AOC3: variants seen among roughly 807,000 people sequenced by gnomAD.
AOC3 encodes amine oxidase [copper-containing] 3.
In AOC3, 47 loss-of-function variants were observed where a neutral mutation model predicts 55.4. That is an observed-to-expected ratio of 0.85 (90% CI 0.67 to 1.08). The LOEUF is 1.08. Among genes scored for constraint, AOC3 ranks in the 50% least tolerant of loss-of-function variants. AOC3 has a pLI of 0.00. For missense variants in AOC3, 853 were observed against 993.1 expected (o/e 0.86, Z 1.90); for synonymous variants, 386 against 410.7 (o/e 0.94, Z 0.73).
At position 42,851,244 on chromosome 17, in the gene AOC3, G is replaced by GC. The variant is rs1329144110; in HGVS notation, c.-94dup. 2.2e-6 allele frequency: 3 copies of GC among 1,366,582 alleles called. No individual in the cohort carries two copies. Among genetic ancestry groups the GC allele is most frequent in the African/African-American group, 2.9e-5 (2 of 68,424 alleles). The allele number at this position is 1,366,582 out of a possible 1,614,324, so 84.7% of individuals were successfully genotyped here. A position where few individuals can be genotyped will look rare whatever the true frequency, so the allele number is the denominator to read the frequency against. On this transcript the variant is annotated 5_prime_UTR_variant, in exon 1 of 4. Transcript: ENST00000308423. ...CGGGAACCTCAGCCAGAGTCCGGGAGCCCCCCACCCCGTCCAGGAGCCAAC... is the reference window on the plus strand; with the variant it reads ...CGGGAACCTCAGCCAGAGTCCGGGAGCCCCCCCACCCCGTCCAGGAGCCAAC...
At chr17:42,855,344 A>C (rs868303883) in intron 2 of AOC3, 100 bp from the exon 3 acceptor site, 1 of 1,484,322 alleles carries the variant, frequency 6.7e-7, no homozygotes, top group Non-Finnish European at 9.1e-7. Context: ...GTGTGACTGC[A>C]ATTGGGGAAG....
chr17:42,854,809 T>G, intron 2 of AOC3, 76 bp downstream of exon 2: 1 of 1,307,026 alleles, frequency 7.7e-7, no homozygotes, highest in Non-Finnish European at 9.9e-7. Context: ...CAGCTCACAC[T>G]GTAGGTGAGG....
Position 42,857,639 on chromosome 17 carries a change from G to C in AOC3, c.*1089G>C, listed in dbSNP as rs1330767555. 6.6e-6 allele frequency: 1 copy of C among 152,414 alleles called. No individual in the cohort carries two copies. Among genetic ancestry groups the C allele is most frequent in the African/African-American group, 2.4e-5 (1 of 41,538 alleles). The allele number at this position is 152,414 out of a possible 1,614,324, so 9.4% of individuals were successfully genotyped here. A position where few individuals can be genotyped will look rare whatever the true frequency, so the allele number is the denominator to read the frequency against. On this transcript the variant is annotated 3_prime_UTR_variant, in exon 4 of 4. Transcript: ENST00000308423. Reference sequence around the variant, plus strand: ...TAGTGGGGAGGGGCCTGGCCTGGGTGGGGCAGGGCCTGGCCTGGTCCAGGC... The same window carrying C: ...TAGTGGGGAGGGGCCTGGCCTGGGTCGGGCAGGGCCTGGCCTGGTCCAGGC...
rs34472078 is a variant in AOC3 at position 42,855,317 on chromosome 17, G to C, written c.1887-127G>C. On this transcript the variant is annotated intron_variant, in intron 2 of 3. Transcript: ENST00000308423. The stretch of plus-strand genomic sequence containing the variant: ...CCCTTAGGGTGACGTCGGGGATTCT[G>C]TAGCGCCGAGTCAGTTGTGTGACTG... The C allele has an allele frequency of 0.014, 18,400 of 1,314,470 alleles. 1,848 individuals are homozygous for C. The African/African-American group carries it at 0.23, about 16-fold the overall frequency. 81.4% of individuals were successfully genotyped at this position (1,314,470 alleles called of 1,614,324 possible). A position where few individuals can be genotyped will look rare whatever the true frequency, so the allele number is the denominator to read the frequency against.
rs34908272 is a variant in AOC3 at position 42,854,743 on chromosome 17, G to C, written c.1886+10G>C. 2.1e-6 allele frequency: 3 copies of C among 1,461,166 alleles called. No homozygotes were observed. The highest frequency in any genetic ancestry group is 1.8e-6 in the Non-Finnish European group (2 of 1,101,290). 90.5% of individuals were successfully genotyped at this position (1,461,166 alleles called of 1,614,324 possible). ...GCTTCAGCTGGGAGAGGTGAGTGGCGGGCAGTCAGAGAGGAGGGGGGCAGT... is the reference window on the plus strand; with the variant it reads ...GCTTCAGCTGGGAGAGGTGAGTGGCCGGCAGTCAGAGAGGAGGGGGGCAGT... On this transcript the variant is annotated intron_variant, in intron 2 of 3. Coordinates refer to ENST00000308423, the MANE Select transcript of AOC3 (RefSeq NM_003734.4).
At position 42,851,286 on chromosome 17, in the gene AOC3, TGGCG is replaced by T; in HGVS notation, c.-57_-54del. On this transcript the variant is annotated 5_prime_UTR_variant, in exon 1 of 4. Transcript: ENST00000308423. ...GGAGCCAACAGAGCCCCCGTCTTGC[TGGCG>T]TGAGAATACATTGCTCTCCTTTGGT... The T allele has an allele frequency of 6.6e-7, 1 of 1,523,970 alleles. No individual in the cohort carries two copies. Among genetic ancestry groups the T allele is most frequent in the Non-Finnish European group, 8.8e-7 (1 of 1,130,992 alleles). 94.4% of individuals were successfully genotyped at this position (1,523,970 alleles called of 1,614,324 possible).
At position 42,851,862 on chromosome 17, in the gene AOC3, C is replaced by G; in HGVS notation, c.519C>G (p.Phe173Leu). The G allele has an allele frequency of 6.2e-7, 1 of 1,613,710 alleles. No individual in the cohort carries two copies. Among genetic ancestry groups the G allele is most frequent in the Non-Finnish European group, 8.5e-7 (1 of 1,180,052 alleles). Residue 173 changes from phenylalanine to leucine, a missense_variant, in exon 1 of 4, where the codon TTC becomes TTG. By Grantham distance (22) the Phe-to-Leu change is conservative. Transcript: ENST00000308423. ...PLPYHRRPVL[F>L]QEYLDIDQMI... ...CCTATCACCGACGCCCCGTGCTGTT[C>G]CAAGAGTACCTGGACATAGACCAGA...
chr17:42,852,337 T>C lies in AOC3; in HGVS notation c.994T>C (p.Ser332Pro), dbSNP rs2055683041. The C allele has an allele frequency of 1.2e-6, 2 of 1,614,036 alleles. No individual in the cohort carries two copies. The highest frequency in any genetic ancestry group is 1.7e-5 in the Admixed American group (1 of 59,996). Residue 332 changes from serine to proline, a missense_variant, in exon 1 of 4, where the codon TCC becomes CCC. Transcript: ENST00000308423. ...CAGTGTCCAGGGAAGTCGAGTGGCC[T>C]CCTCACTGTGGACTTTCTCCTTTGG... Reference protein sequence around the residue: ...RFSVQGSRVASSLWTFSFGLG... With the variant: ...RFSVQGSRVAPSLWTFSFGLG...
In AOC3 at chr17:42,852,870, C is replaced by G. The variant is rs1250452328; in HGVS notation, c.1527C>G (p.Asn509Lys). Residue 509 changes from asparagine (N) to lysine (K), a missense_variant, in exon 1 of 4, where the codon AAC becomes AAG. By Grantham distance (94) the Asn-to-Lys change is moderately conservative (BLOSUM62 0). Coordinates refer to ENST00000308423, the MANE Select transcript of AOC3 (RefSeq NM_003734.4). ...TTGGTGCTACTGGGAAGTACGGGAA[C>G]CAAGTGTCAGAGCACACCCTGGGCA... ...FLFGATGKYG[N>K]QVSEHTLGTV... is the part of the protein sequence containing the mutation. 1 of 1,613,182 alleles carries G rather than the reference C, an allele frequency of 6.2e-7. No homozygotes were observed.
At position 42,852,788 on chromosome 17, in the gene AOC3, G is replaced by A. The variant is rs765958216; in HGVS notation, c.1445G>A (p.Ser482Asn). The stretch of plus-strand genomic sequence containing the variant: ...GTGTGGGATACGGTCTTCCACCCCA[G>A]TGGGGCCATAGAAATACGATTCTAT... ...DYVWDTVFHP[S>N]GAIEIRFYAT... The change falls in exon 1 of 4, where the codon AGT becomes AAT. Residue 482 changes from serine to asparagine, a missense_variant. Physicochemically the swap from Ser to Asn is conservative, Grantham distance 46. Coordinates refer to ENST00000308423, the MANE Select transcript of AOC3 (RefSeq NM_003734.4). The A allele has an allele frequency of 4.3e-6, 7 of 1,614,058 alleles. No homozygotes were observed. Among genetic ancestry groups the A allele is most frequent in the Middle Eastern group, 1.6e-4 (1 of 6,062 alleles).
rs1345908799 is a variant in AOC3 at position 42,856,686 on chromosome 17, C to T, written c.*136C>T. On this transcript the variant is annotated 3_prime_UTR_variant, in exon 4 of 4. Coordinates refer to ENST00000308423, the MANE Select transcript of AOC3 (RefSeq NM_003734.4). Reference sequence around the variant, plus strand: ...CTCTCTTTCTTCCACTACCCTCCCTCGCATCCGCCTCTGAGCCAGGAGCCT... The same window carrying T: ...CTCTCTTTCTTCCACTACCCTCCCTTGCATCCGCCTCTGAGCCAGGAGCCT... 1.1e-5 allele frequency: 12 copies of T among 1,050,196 alleles called. No individual in the cohort carries two copies. The highest frequency in any genetic ancestry group is 3.2e-5 in the African/African-American group (2 of 62,804). The allele number at this position is 1,050,196 out of a possible 1,614,324, so 65.1% of individuals were successfully genotyped here.
In AOC3 at chr17:42,852,534, C is replaced by A; in HGVS notation, c.1191C>A (p.Pro397=). ...GGFGMGKYTT[P]LTRGVDCPYL... is the part of the protein sequence containing the mutation. ...TTGGCATGGGCAAGTACACCACGCC[C>A]CTGACCCGTGGGGTGGACTGCCCCT... is the stretch of plus-strand genomic sequence containing the variant. The change falls in exon 1 of 4, where the codon CCC becomes CCA. Residue 397 remains proline (P), a synonymous_variant. Transcript: ENST00000308423. 6.2e-7 allele frequency: 1 copy of A among 1,614,238 alleles called. No individual in the cohort carries two copies. Among genetic ancestry groups the A allele is most frequent in the South Asian group, 1.1e-5 (1 of 91,082 alleles).
At chr17:42,853,368 A>C in intron 1 of AOC3, 1 of 1,005,728 alleles carries the variant, frequency 9.9e-7, no homozygotes, top group Non-Finnish European at 1.2e-6. Flanking sequence ...TGTGCAGGTC[A>C]GTCATTCCAG....
At position 42,851,336 on chromosome 17, in the gene AOC3, G is replaced by A. The variant is rs199748517; in HGVS notation, c.-8G>A. 5.8e-4 allele frequency: 914 copies of A among 1,583,812 alleles called. 3 individuals carry two copies. The African/African-American group carries it at 0.011, about 18-fold the overall frequency. On this transcript the variant is annotated 5_prime_UTR_variant, in exon 1 of 4. The change creates a new upstream start codon in the 5' untranslated region. Coordinates refer to ENST00000308423, the MANE Select transcript of AOC3 (RefSeq NM_003734.4). ...TTGGTTGAATCAGCTGTCCCTCTTC[G>A]TGGGAAAATGAACCAGAAGACAATC...
In AOC3 at chr17:42,851,328, C is replaced by A; in HGVS notation, c.-16C>A. Reference sequence around the variant, plus strand: ...GCTCTCCTTTGGTTGAATCAGCTGTCCCTCTTCGTGGGAAAATGAACCAGA... The same window carrying A: ...GCTCTCCTTTGGTTGAATCAGCTGTACCTCTTCGTGGGAAAATGAACCAGA... On this transcript the variant is annotated 5_prime_UTR_variant, in exon 1 of 4. Coordinates refer to ENST00000308423, the MANE Select transcript of AOC3 (RefSeq NM_003734.4). 6.3e-7 allele frequency: 1 copy of A among 1,577,564 alleles called. No homozygotes were observed. The highest frequency in any genetic ancestry group is 8.6e-7 in the Non-Finnish European group (1 of 1,160,144).
At position 42,854,705 on chromosome 17, in the gene AOC3, T is replaced by C; in HGVS notation, c.1858T>C (p.Ser620Pro). Residue 620 changes from serine (S) to proline (P), a missense_variant, in exon 2 of 4, where the codon TCC becomes CCC. Coordinates refer to ENST00000308423, the MANE Select transcript of AOC3 (RefSeq NM_003734.4). ...FAGEPLPQNS[S>P]MARGFSWERY... Reference sequence around the variant, plus strand: ...TGGAGAGCCGCTGCCCCAAAACAGCTCCATGGCGAGAGGCTTCAGCTGGGA... The same window carrying C: ...TGGAGAGCCGCTGCCCCAAAACAGCCCCATGGCGAGAGGCTTCAGCTGGGA... 1 of 1,489,340 alleles carries C rather than the reference T, an allele frequency of 6.7e-7. No homozygotes were observed. Among genetic ancestry groups the C allele is most frequent in the Non-Finnish European group, 9.0e-7 (1 of 1,114,144 alleles). The allele number at this position is 1,489,340 out of a possible 1,614,324, so 92.3% of individuals were successfully genotyped here.
In AOC3 at chr17:42,852,600, C is replaced by T; in HGVS notation, c.1257C>T (p.Ser419=). The stretch of plus-strand genomic sequence containing the variant: ...TGGACTGGCACTTCCTTTTGGAGTC[C>T]CAGGCCCCCAAGACAATACGTGATG... The part of the protein sequence containing the change: ...TYVDWHFLLE[S]QAPKTIRDAF... The change falls in exon 1 of 4, where the codon TCC becomes TCT. Residue 419 remains serine (S), a synonymous_variant. Coordinates refer to ENST00000308423, the MANE Select transcript of AOC3 (RefSeq NM_003734.4). The T allele has an allele frequency of 6.2e-7, 1 of 1,614,188 alleles. No individual in the cohort carries two copies.
Position 42,852,266 on chromosome 17 carries a change from C to G in AOC3, c.923C>G (p.Pro308Arg), listed in dbSNP as rs145567714. ...GSWSLKSPVP[P>R]GPAPPLQFYP... Reference sequence around the variant, plus strand: ...TGGTCCCTGAAGTCCCCTGTGCCCCCGGGTCCAGCTCCCCCTCTACAGTTC... The same window carrying G: ...TGGTCCCTGAAGTCCCCTGTGCCCCGGGGTCCAGCTCCCCCTCTACAGTTC... The change falls in exon 1 of 4, where the codon CCG (proline) becomes CGG (arginine). Residue 308 changes from proline (P) to arginine (R), a missense_variant. Transcript: ENST00000308423. The G allele has an allele frequency of 1.2e-6, 2 of 1,613,830 alleles. No homozygotes were observed. The highest frequency in any genetic ancestry group is 1.7e-6 in the Non-Finnish European group (2 of 1,179,986).
Position 42,851,471 on chromosome 17 carries a change from C to A in AOC3, c.128C>A (p.Ser43Tyr), listed in dbSNP as rs775919467. 6.2e-7 allele frequency: 1 copy of A among 1,614,276 alleles called. No homozygotes were observed. The highest frequency in any genetic ancestry group is 2.2e-5 in the East Asian group (1 of 44,884). Residue 43 changes from serine to tyrosine, a missense_variant, in exon 1 of 4, where the codon TCT becomes TAT. By Grantham distance (144) the Ser-to-Tyr change is moderately radical (BLOSUM62 -2). Transcript: ENST00000308423. ...CCCAGCCAGCTTCCCCATTGCCCCT[C>A]TGTATCTCCCAGTGCCCAGCCTTGG... ...GEPSQLPHCPSVSPSAQPWTH... is the reference protein window; with the variant it reads ...GEPSQLPHCPYVSPSAQPWTH...
Sources: gnomAD v4.1 joint callset for allele counts on GRCh38, gnomAD v4.1.1 for gene constraint, MANE v1.5 for transcripts, NCBI Gene and HGNC (gene_info 2026-07-23, HGNC 2026-07-21) for gene names.